Variants in RNF182 observed in about 807,000 individuals in gnomAD.
RNF182 encodes the protein E3 ubiquitin-protein ligase RNF182.
In RNF182, 15 loss-of-function variants were observed where a neutral mutation model predicts 14.4. The ratio of observed to expected loss-of-function variants is 1.04; its 90% CI spans 0.70 to 1.60. The LOEUF (loss-of-function observed/expected upper bound fraction) is 1.60. RNF182 is among the 40% of genes most tolerant of loss of function. The pLI is 0.00. For synonymous variants in RNF182, 128 were observed against 122.9 expected, an observed-to-expected ratio of 1.04 and a Z score of -0.27; for missense variants, 268 against 294.8, an observed-to-expected ratio of 0.91 and a Z score of 0.67.
chr6:13,960,674 T>A (rs1002613311), intron 1 of RNF182, among the ~76,000 whole-genome samples: 3 of 105,846 alleles, frequency 2.8e-5, no homozygotes, highest in African/African-American at 8.4e-5. Flanking sequence ...TGTGTGTGTG[T>A]GTGTGTGTGT....
chr6:13,930,801 T>C (rs1203674037), intron 1 of RNF182, among the ~76,000 whole-genome samples: 1 of 152,268 alleles, frequency 6.6e-6, no homozygotes, highest in African/African-American at 2.4e-5. Flanking sequence ...CTCTTTTGAT[T>C]GTCACCATAA....
intron 1 of RNF182, among the ~76,000 whole-genome samples, chr6:13,950,393 A>C (rs1365020608): frequency 6.6e-6 from 1 of 152,096 alleles, no homozygotes; most frequent in African/African-American, 2.4e-5. Context: ...TGACCTTAAC[A>C]CATTTACCAA....
rs1294956302 is a variant in RNF182, at chr6:13,978,145, C to T, written c.*282C>T. On this transcript the variant is annotated 3_prime_UTR_variant, in exon 3 of 3. Transcript: ENST00000488300. ...CAGGGTTTCTCTCAGCACTGCCAGACAGACGGCAGGGGTGTGGTGTGTTAT... is the reference window on the plus strand; with the variant it reads ...CAGGGTTTCTCTCAGCACTGCCAGATAGACGGCAGGGGTGTGGTGTGTTAT... 1 of 360,264 alleles carries T rather than the reference C, an allele frequency of 2.8e-6. No individual in the cohort carries two copies. The highest frequency in any genetic ancestry group is 5.5e-5 in the East Asian group (1 of 18,130). The allele number at this position is 360,264 out of a possible 1,614,324, so 22.3% of individuals were successfully genotyped here.
chr6:13,962,394 T>A (rs1050144113), intron 1 of RNF182, among the ~76,000 whole-genome samples: 4 of 152,202 alleles, frequency 2.6e-5, no homozygotes, highest in African/African-American at 9.7e-5. Context: ...GCCTTGATAG[T>A]CACAAAGAAA....
rs1202562528 is a variant in RNF182, at chr6:13,978,712, C to T, written c.*849C>T. ...AAACCACATTGCCCAATCAGCCTCACCCCTTGTCCTGAAAAGGTTCCATTT... is the reference window on the plus strand; with the variant it reads ...AAACCACATTGCCCAATCAGCCTCATCCCTTGTCCTGAAAAGGTTCCATTT... On this transcript the variant is annotated 3_prime_UTR_variant, in exon 3 of 3. Transcript: ENST00000488300. 1.2e-5 allele frequency: 2 copies of T among 167,048 alleles called. No homozygotes were observed. Among genetic ancestry groups the T allele is most frequent in the African/African-American group, 4.8e-5 (2 of 41,436 alleles). 10.3% of individuals were successfully genotyped at this position (167,048 alleles called of 1,614,324 possible).
chr6:13,970,025 T>G (rs1366318628), intron 1 of RNF182, among the ~76,000 whole-genome samples: 1 of 152,178 alleles, frequency 6.6e-6, no homozygotes, highest in African/African-American at 2.4e-5. Flanking sequence ...TTCCCTCTTT[T>G]GTTAATATAT....
chr6:13,978,074 A>C lies in RNF182; in HGVS notation c.*211A>C. 1.9e-6 allele frequency: 1 copy of C among 536,028 alleles called. No homozygotes were observed. 33.2% of individuals were successfully genotyped at this position (536,028 alleles called of 1,614,324 possible). A position where few individuals can be genotyped will look rare whatever the true frequency, so the allele number is the denominator to read the frequency against. Reference sequence around the variant, plus strand: ...GGGGTTAGCAAAATTGTATAAGCTCACACTTCATGGAGCACTGACAGCAGT... The same window carrying C: ...GGGGTTAGCAAAATTGTATAAGCTCCCACTTCATGGAGCACTGACAGCAGT... On this transcript the variant is annotated 3_prime_UTR_variant, in exon 3 of 3. Coordinates refer to ENST00000488300, the MANE Select transcript of RNF182 (RefSeq NM_152737.4).
chr6:13,966,930 G>A (rs1465328132), intron 1 of RNF182, among the ~76,000 whole-genome samples: 1 of 152,062 alleles, frequency 6.6e-6, no homozygotes, highest in East Asian at 1.9e-4. Context: ...TCGGCCTCCT[G>A]GACTCAAGTG....
chr6:13,935,837 A>G lies in RNF182; in HGVS notation c.-367+10814A>G, dbSNP rs559360522. ...TGGGGCATTAGAAATGGGCTATGCT[A>G]TTGATACAGTTTGATGAGTGTATTA... is the stretch of plus-strand genomic sequence containing the variant. On this transcript the variant is annotated intron_variant, in intron 1 of 2. Coordinates refer to ENST00000488300, the MANE Select transcript of RNF182 (RefSeq NM_152737.4). Among the ~76,000 whole-genome samples the G allele has an allele frequency of 5.3e-5, 8 of 152,366 alleles. No homozygotes were observed. The South Asian group carries it at 1.0e-3, about 20-fold the overall frequency.
At chr6:13,963,692 C>G (rs151106213) in intron 1 of RNF182, among the ~76,000 whole-genome samples, 5 of 152,284 alleles carry the variant, frequency 3.3e-5, no homozygotes, top group Non-Finnish European at 5.9e-5. Flanking sequence ...TCCAAGAGAG[C>G]AAGAGCAGAA....
intron 1 of RNF182, among the ~76,000 whole-genome samples, chr6:13,930,005 G>T (rs931208241): frequency 1.3e-5 from 2 of 152,106 alleles, no homozygotes; most frequent in African/African-American, 2.4e-5. Context: ...AAAGGTAGTT[G>T]TTCCTTAATT....
chr6:13,945,028 A>G (rs759274571), intron 1 of RNF182, among the ~76,000 whole-genome samples: 2 of 152,190 alleles, frequency 1.3e-5, no homozygotes, highest in Non-Finnish European at 2.9e-5. Context: ...GAGTGTTACT[A>G]GAGATTTGCT....
rs763717759 is a variant in RNF182 at position 13,977,679 on chromosome 6, G to A, written c.560G>A (p.Trp187Ter). 1 of 1,614,148 alleles carries A rather than the reference G, an allele frequency of 6.2e-7. No homozygotes were observed. Among genetic ancestry groups the A allele is most frequent in the Non-Finnish European group, 8.5e-7 (1 of 1,180,014 alleles). ...CAGACATCCATCCGGGTGTTAGTGT[G>A]GTTGCTAGGTTTGCTCTACTTCAGC... The part of the protein sequence containing the change: ...LFQTSIRVLV[W>*]LLGLLYFSSL... Residue 187 changes from tryptophan to a stop codon, truncating the protein, a stop_gained, in exon 3 of 3, where the codon TGG (tryptophan) becomes TAG (stop). Coordinates refer to ENST00000488300, the MANE Select transcript of RNF182 (RefSeq NM_152737.4). LOFTEE classifies it high-confidence loss of function.
intron 1 of RNF182, among the ~76,000 whole-genome samples, chr6:13,970,065 G>C (rs1760136649): frequency 6.6e-6 from 1 of 152,106 alleles, no homozygotes; most frequent in South Asian, 2.1e-4. Context: ...GGGTACATGT[G>C]AGTGTAACAT....
chr6:13,933,293 A>G (rs1008217964), intron 1 of RNF182, among the ~76,000 whole-genome samples: 1 of 152,206 alleles, frequency 6.6e-6, no homozygotes, highest in Admixed American at 6.5e-5. Context: ...AAGCAGGAAG[A>G]TCACTTGAGG....
chr6:13,949,602 GA>G, intron 1 of RNF182: 2 of 402,100 alleles, frequency 5.0e-6, no homozygotes, highest in South Asian at 2.9e-5. Context: ...TGGAAGAGGT[GA>G]AAAACTGATA....
At chr6:13,937,865 A>C (rs1280395493) in intron 1 of RNF182, among the ~76,000 whole-genome samples, 1 of 151,980 alleles carries the variant, frequency 6.6e-6, no homozygotes, top group African/African-American at 2.4e-5. Context: ...ATGATATCTC[A>C]TTGTAGTTTT....
In RNF182 at chr6:13,957,529, G is replaced by A. The variant is rs1054851699; in HGVS notation, c.-366-16681G>A. Among the ~76,000 whole-genome samples, 19 of 152,144 alleles carry A rather than the reference G, an allele frequency of 1.2e-4. 1 individual carries two copies. Among genetic ancestry groups the A allele is most frequent in the South Asian group, 6.2e-4 (3 of 4,830 alleles). ...GATTGGTGACATTTTTGCTGAGTCC[G>A]AGTACGGTTGGACCTTGGTGAACAG... On this transcript the variant is annotated intron_variant, in intron 1 of 2. Transcript: ENST00000488300.
intron 1 of RNF182, 60 bp from the exon 2 acceptor site, chr6:13,974,150 G>A (rs949758294): frequency 2.0e-5 from 3 of 151,598 alleles, no homozygotes; most frequent in Admixed American, 2.0e-4. Context: ...TTTAACTGTA[G>A]CAGTTGGTAG....
Sources: allele counts gnomAD v4.1 joint callset (sites outside exome capture counted in the v4.1 genomes callset), GRCh38; gene constraint gnomAD v4.1.1; transcripts MANE v1.5; gene names NCBI Gene and HGNC (gene_info 2026-07-23, HGNC 2026-07-21).